The following DOK6 variants were observed in gnomAD, a reference collection of about 807,000 sequenced individuals.
The protein encoded by DOK6 is downstream of tyrosine kinase 6.
Under a neutral mutation model 44.0 loss-of-function variants are expected in DOK6, and 22 were observed. The ratio of observed to expected loss-of-function variants is 0.50; its 90% CI spans 0.36 to 0.71. DOK6 has a LOEUF of 0.71. Among genes scored for constraint, DOK6 ranks in the 30% least tolerant of loss-of-function variants. DOK6 has a pLI of 0.00. For synonymous variants in DOK6, 166 were observed against 145.5 expected (o/e 1.14, Z -1.01); for missense variants, 340 against 416.4 (o/e 0.82, Z 1.60).
intron 7 of DOK6, among the ~76,000 whole-genome samples, chr18:69,778,924 T>C (rs1247147990): frequency 6.6e-6 from 1 of 152,108 alleles, no homozygotes; most frequent in East Asian, 1.9e-4. Context: ...ATGAGTGGAA[T>C]GGGGATGGAA....
At chr18:69,625,243 G>A (rs1409801324) in intron 3 of DOK6, among the ~76,000 whole-genome samples, 1 of 152,116 alleles carries the variant, frequency 6.6e-6, no homozygotes, top group African/African-American at 2.4e-5. Context: ...GTGATAAGTT[G>A]GAGTTGTTTT....
chr18:69,755,987 A>C (rs964404786), intron 6 of DOK6, among the ~76,000 whole-genome samples: 2 of 152,232 alleles, frequency 1.3e-5, no homozygotes, highest in Non-Finnish European at 2.9e-5. Flanking sequence ...CCTCCCCTGC[A>C]TCAGGTGTGA....
chr18:69,818,557 A>T (rs1195506697), intron 7 of DOK6, among the ~76,000 whole-genome samples: 1 of 152,130 alleles, frequency 6.6e-6, no homozygotes, highest in Non-Finnish European at 1.5e-5. Context: ...ACTTTTCAGG[A>T]CTTTCAACTG....
intron 5 of DOK6, among the ~76,000 whole-genome samples, chr18:69,733,117 G>T (rs914679140): frequency 6.6e-6 from 1 of 151,900 alleles, no homozygotes; most frequent in Non-Finnish European, 1.5e-5. Context: ...TTACTTGAGC[G>T]CAGGAGTTCA....
intron 7 of DOK6, among the ~76,000 whole-genome samples, chr18:69,776,235 A>G (rs939750700): frequency 6.6e-6 from 1 of 152,042 alleles, no homozygotes; most frequent in East Asian, 1.9e-4. Flanking sequence ...GCTTTTAAAC[A>G]TTCTTGGAAC....
intron 1 of DOK6, among the ~76,000 whole-genome samples, chr18:69,557,253 G>A (rs752189040): frequency 1.3e-5 from 2 of 152,134 alleles, no homozygotes; most frequent in Non-Finnish European, 2.9e-5. Flanking sequence ...ATTCTTCCGA[G>A]TTTCTAACCA....
At chr18:69,828,884 G>GTATATATATA (rs74175393) in intron 7 of DOK6, among the ~76,000 whole-genome samples, 1,900 of 90,168 alleles carry the variant, frequency 0.021, 249 homozygotes, top group Middle Eastern at 0.038. Flanking sequence ...ACATTTATGT[G>GTATATATATA]TATATATATA....
intron 7 of DOK6, among the ~76,000 whole-genome samples, chr18:69,828,492 A>G (rs1981806052): frequency 2.0e-5 from 3 of 151,854 alleles, no homozygotes; most frequent in African/African-American, 4.8e-5. Context: ...AAGAGAAATT[A>G]AATGCAAGCA....
chr18:69,638,669 G>A (rs115736037), intron 3 of DOK6, among the ~76,000 whole-genome samples: 70 of 152,110 alleles, frequency 4.6e-4, no homozygotes, highest in African/African-American at 1.6e-3. Flanking sequence ...TTTAGTTTAT[G>A]GTACTGCTTC....
intron 5 of DOK6, among the ~76,000 whole-genome samples, chr18:69,713,709 A>G (rs1007403762): frequency 6.6e-6 from 1 of 152,196 alleles, no homozygotes; most frequent in African/African-American, 2.4e-5. Flanking sequence ...TCTTACTCTT[A>G]TATCTGTTTA....
chr18:69,782,527 T>G (rs766070145), intron 7 of DOK6, among the ~76,000 whole-genome samples: 1 of 151,730 alleles, frequency 6.6e-6, no homozygotes, highest in Non-Finnish European at 1.5e-5. Context: ...TAAGATCTTC[T>G]AAAGCTTCAT....
chr18:69,824,116 A>T (rs990371646), intron 7 of DOK6, among the ~76,000 whole-genome samples: 2 of 151,566 alleles, frequency 1.3e-5, no homozygotes, highest in Non-Finnish European at 2.9e-5. Context: ...ACATATGTAT[A>T]CATGTGCCAT....
At chr18:69,652,119 T>C (rs566638269) in intron 3 of DOK6, among the ~76,000 whole-genome samples, 1 of 152,250 alleles carries the variant, frequency 6.6e-6, no homozygotes, top group South Asian at 2.1e-4. Flanking sequence ...AATAAGGGTG[T>C]CCTTCTTTCA....
chr18:69,748,804 G>A (rs1979072385), intron 6 of DOK6, among the ~76,000 whole-genome samples: 2 of 152,230 alleles, frequency 1.3e-5, no homozygotes, highest in Admixed American at 1.3e-4. Context: ...CCTATTACTG[G>A]ATGTATCCCC....
At chr18:69,766,234 G>C (rs985788503) in intron 7 of DOK6, among the ~76,000 whole-genome samples, 9 of 152,272 alleles carry the variant, frequency 5.9e-5, no homozygotes, top group Non-Finnish European at 1.0e-4. Flanking sequence ...CATAAGTATG[G>C]CCATAGTAGA....
intron 1 of DOK6, among the ~76,000 whole-genome samples, chr18:69,524,013 T>C (rs1981760419): frequency 6.6e-6 from 1 of 152,056 alleles, no homozygotes; most frequent in Non-Finnish European, 1.5e-5. Flanking sequence ...TTTTCAGCAA[T>C]TGGATAGTGA....
At chr18:69,628,434 G>A (rs1320378409) in intron 3 of DOK6, among the ~76,000 whole-genome samples, 3 of 152,134 alleles carry the variant, frequency 2.0e-5, no homozygotes, top group Admixed American at 6.5e-5. Flanking sequence ...AACTTGCAGT[G>A]AGCCAAGATC....
intron 1 of DOK6, among the ~76,000 whole-genome samples, chr18:69,483,127 G>C (rs1380790959): frequency 6.6e-6 from 1 of 151,828 alleles, no homozygotes; most frequent in Non-Finnish European, 1.5e-5. Flanking sequence ...TTATAAGTGA[G>C]AAAATTTACT....
At chr18:69,655,536 T>G (rs1599244834) in intron 3 of DOK6, among the ~76,000 whole-genome samples, 1 of 152,036 alleles carries the variant, frequency 6.6e-6, no homozygotes, top group East Asian at 1.9e-4. Context: ...GTGGATTGCC[T>G]GAGCTCAGGA....
Sources: gnomAD v4.1 joint callset for allele counts (sites outside exome capture counted in the v4.1 genomes callset) on GRCh38, gnomAD v4.1.1 for gene constraint, MANE v1.5 for transcripts, NCBI Gene and HGNC (gene_info 2026-07-23, HGNC 2026-07-21) for gene names.